LEKR1: variants seen among roughly 807,000 people sequenced by gnomAD.
LEKR1 encodes the protein leucine, glutamate and lysine rich 1.
A neutral mutation model predicts 72.4 loss-of-function variants in LEKR1; 59 were observed. The observed-to-expected ratio is 0.82, with a 90% CI of 0.66 to 1.01. The LOEUF (loss-of-function observed/expected upper bound fraction) is 1.01, where lower values mean the gene tolerates loss of function less well. Ranked by LOEUF, LEKR1 falls within the 50% of genes least tolerant of loss-of-function variation. The pLI is 0.00. For synonymous variants in LEKR1, 257 were observed against 263.2 expected (o/e 0.98, Z 0.23); for missense variants, 728 against 759.2 (o/e 0.96, Z 0.48).
intron 3 of LEKR1, among the ~76,000 whole-genome samples, chr3:156,873,192 G>A (rs1718161691): frequency 6.6e-6 from 1 of 151,796 alleles, no homozygotes; most frequent in African/African-American, 2.4e-5. Flanking sequence ...TCTTTTTACT[G>A]TTTTTGACTT....
intron 3 of LEKR1, among the ~76,000 whole-genome samples, chr3:156,893,597 G>T (rs897924838): frequency 6.6e-6 from 1 of 152,070 alleles, no homozygotes; most frequent in Non-Finnish European, 1.5e-5. Flanking sequence ...TTAAAAGTGT[G>T]TGGCATCCCT....
At chr3:156,974,521 C>G (rs1729520862) in intron 6 of LEKR1, among the ~76,000 whole-genome samples, 2 of 152,190 alleles carry the variant, frequency 1.3e-5, no homozygotes. Flanking sequence ...TTTTTCTGCT[C>G]CCTATTCATG....
intron 3 of LEKR1, among the ~76,000 whole-genome samples, chr3:156,853,707 G>T (rs1715676939): frequency 6.6e-6 from 1 of 151,888 alleles, no homozygotes; most frequent in African/African-American, 2.4e-5. Flanking sequence ...TTTTGTTACA[G>T]AATTTTATAT....
At chr3:157,041,068 A>C (rs899465155) in intron 12 of LEKR1, among the ~76,000 whole-genome samples, 21 of 152,332 alleles carry the variant, frequency 1.4e-4, no homozygotes, top group African/African-American at 5.1e-4. Flanking sequence ...ACATATGGTG[A>C]ACTAATTTAT....
chr3:156,917,200 GAA>G (rs1723741144), intron 3 of LEKR1, among the ~76,000 whole-genome samples: 1 of 152,082 alleles, frequency 6.6e-6, no homozygotes, highest in Non-Finnish European at 1.5e-5. Flanking sequence ...TGAAAGAACA[GAA>G]AGTTAAAAGT....
At chr3:156,827,509 C>A (rs971272696) in intron 1 of LEKR1, among the ~76,000 whole-genome samples, 1 of 152,158 alleles carries the variant, frequency 6.6e-6, no homozygotes, top group African/African-American at 2.4e-5. Flanking sequence ...CATGAGGACA[C>A]GTTACCAGTT....
At chr3:156,994,256 G>T (rs55712977) in intron 9 of LEKR1, among the ~76,000 whole-genome samples, 2 of 152,156 alleles carry the variant, frequency 1.3e-5, no homozygotes, top group East Asian at 1.9e-4. Context: ...GGGGACCAGG[G>T]TAGTGGGTAG....
At chr3:156,989,840 GAC>G (rs887911529) in intron 7 of LEKR1, among the ~76,000 whole-genome samples, 7 of 150,708 alleles carry the variant, frequency 4.6e-5, no homozygotes, top group Non-Finnish European at 1.0e-4. Flanking sequence ...CAGACAGAAA[GAC>G]ACACACACAC....
At chr3:157,025,841 C>G (rs1053534866) in intron 11 of LEKR1, among the ~76,000 whole-genome samples, 2 of 147,206 alleles carry the variant, frequency 1.4e-5, no homozygotes, top group African/African-American at 5.0e-5. Context: ...GCCTGGACAA[C>G]ATAGCAAGAC....
At chr3:156,881,540 A>T (rs547489835) in intron 3 of LEKR1, among the ~76,000 whole-genome samples, 1 of 151,534 alleles carries the variant, frequency 6.6e-6, no homozygotes, top group East Asian at 1.9e-4. Context: ...GCTCATGGGT[A>T]GGAAGAATCA....
chr3:156,881,110 C>G (rs1264898301), intron 3 of LEKR1, among the ~76,000 whole-genome samples: 1 of 152,222 alleles, frequency 6.6e-6, no homozygotes, highest in African/African-American at 2.4e-5. Context: ...TGCCCTCTCT[C>G]AGCACTCCTA....
At chr3:156,868,401 G>T (rs139475310) in intron 3 of LEKR1, among the ~76,000 whole-genome samples, 1 of 151,982 alleles carries the variant, frequency 6.6e-6, no homozygotes, top group Admixed American at 6.6e-5. Context: ...CCCGGGCTTT[G>T]TCACTGTCTG....
intron 3 of LEKR1, among the ~76,000 whole-genome samples, chr3:156,870,738 A>G (rs1334117142): frequency 1.1e-4 from 16 of 152,016 alleles, no homozygotes; most frequent in Non-Finnish European, 1.8e-4. Context: ...GAAAGTGTGT[A>G]TCCTTGTCTT....
intron 6 of LEKR1, among the ~76,000 whole-genome samples, chr3:156,962,751 G>T (rs912079252): frequency 1.3e-5 from 2 of 152,080 alleles, no homozygotes; most frequent in African/African-American, 4.8e-5. Context: ...CCTTATAATG[G>T]TTGTCATTCA....
At position 156,998,070 on chromosome 3, in the gene LEKR1, T is replaced by C. The variant is rs141042059; in HGVS notation, c.1109+4793T>C. The stretch of plus-strand genomic sequence containing the variant: ...AGAGGGATGCAGCAAGGCATAAGGA[T>C]GATGTCAGAGAAAAGTGTGGCCATT... On this transcript the variant is annotated intron_variant, in intron 9 of 12. Transcript: ENST00000356539. Among the ~76,000 whole-genome samples the C allele has an allele frequency of 1.8e-3, 267 of 151,642 alleles. 6 individuals carry two copies. In the East Asian group the frequency reaches 0.024, roughly 13 times the overall value.
In LEKR1 at chr3:157,041,110, G is replaced by T. The variant is rs1035495062; in HGVS notation, c.1669-4230G>T. Among the ~76,000 whole-genome samples the T allele has an allele frequency of 3.9e-5, 6 of 152,058 alleles. No homozygotes were observed. In the South Asian group the frequency reaches 6.3e-4, roughly 16 times the overall value. On this transcript the variant is annotated intron_variant, in intron 12 of 12. Transcript: ENST00000356539. ...ATTTTGACATTTTCCTTCTCAGGGG[G>T]AGGGCAATTAAGTCATATTTTAAGC...
intron 5 of LEKR1, among the ~76,000 whole-genome samples, chr3:156,938,191 G>T (rs1214782479): frequency 6.6e-6 from 1 of 152,068 alleles, no homozygotes; most frequent in Non-Finnish European, 1.5e-5. Context: ...GGTAAAATCG[G>T]AGTAAGTTCT....
At chr3:156,849,322 G>T (rs1473937047) in intron 2 of LEKR1, among the ~76,000 whole-genome samples, 4 of 152,078 alleles carry the variant, frequency 2.6e-5, no homozygotes, top group African/African-American at 9.7e-5. Flanking sequence ...CATGAAAATG[G>T]CCATATTGCC....
At chr3:156,843,393 G>GT (rs1203125809) in intron 2 of LEKR1, among the ~76,000 whole-genome samples, 1 of 151,876 alleles carries the variant, frequency 6.6e-6, no homozygotes, top group Non-Finnish European at 1.5e-5. Flanking sequence ...CTGATCTTTT[G>GT]TTTTTTTAAA....
Sources: allele counts gnomAD v4.1 joint callset (sites outside exome capture counted in the v4.1 genomes callset), GRCh38; gene constraint gnomAD v4.1.1; transcripts MANE v1.5; gene names NCBI Gene and HGNC (gene_info 2026-07-23, HGNC 2026-07-21).